Variants in DGKE observed in about 807,000 individuals in gnomAD.
The protein encoded by DGKE is diacylglycerol kinase epsilon.
Under a neutral mutation model 70.0 loss-of-function variants are expected in DGKE, and 53 were observed. That is an observed-to-expected ratio of 0.76 (90% CI 0.61 to 0.95). The LOEUF (loss-of-function observed/expected upper bound fraction) is 0.95. DGKE is among the 40% of genes least tolerant of loss of function. The pLI, the probability that DGKE is intolerant of heterozygous loss-of-function variation, is 0.00. For missense variants in DGKE, 655 were observed against 706.9 expected, an observed-to-expected ratio of 0.93 and a Z score of 0.83; for synonymous variants, 291 against 257.0, an observed-to-expected ratio of 1.13 and a Z score of -1.27.
At chr17:56,850,417 G>A (rs544132766) in intron 7 of DGKE, among the ~76,000 whole-genome samples, 8 of 152,158 alleles carry the variant, frequency 5.3e-5, no homozygotes, top group Non-Finnish European at 1.0e-4. Flanking sequence ...ACAGGCATGA[G>A]TCACTGTGCC....
intron 2 of DGKE, among the ~76,000 whole-genome samples, chr17:56,842,876 G>A (rs1348000349): frequency 6.6e-6 from 1 of 152,176 alleles, no homozygotes; most frequent in Non-Finnish European, 1.5e-5. Flanking sequence ...ACCTTTACCA[G>A]CTCTGTTCTC....
At position 56,834,976 on chromosome 17, in the gene DGKE, G is replaced by T. The variant is rs764983358; in HGVS notation, c.181G>T (p.Gly61Trp). The T allele has an allele frequency of 1.4e-5, 23 of 1,612,906 alleles. No homozygotes were observed. In the South Asian group the frequency reaches 2.5e-4, roughly 18 times the overall value. Residue 61 changes from glycine to tryptophan, a missense_variant, in exon 2 of 12, where the codon GGG becomes TGG. Coordinates refer to ENST00000284061, the MANE Select transcript of DGKE (RefSeq NM_003647.3). ...GGACATCTTCCGCAAGAGCAAGCAC[G>T]GGTGGCGCGACACGGACCTGTTCAG... ...RRDIFRKSKH[G>W]WRDTDLFSQP...
At chr17:56,837,309 G>C (rs926913106) in intron 2 of DGKE, among the ~76,000 whole-genome samples, 1 of 151,820 alleles carries the variant, frequency 6.6e-6, no homozygotes, top group South Asian at 2.1e-4. Flanking sequence ...AGGCCCTACA[G>C]GTCCTTCTAA....
chr17:56,859,620 G>A (rs1223923055), intron 9 of DGKE, among the ~76,000 whole-genome samples: 17 of 151,812 alleles, frequency 1.1e-4, no homozygotes, highest in Non-Finnish European at 2.9e-5. Context: ...GGGGTTTCAC[G>A]TGTTAGCCAG....
chr17:56,850,419 C>T (rs1295291674), intron 7 of DGKE, among the ~76,000 whole-genome samples: 1 of 152,192 alleles, frequency 6.6e-6, no homozygotes, highest in Non-Finnish European at 1.5e-5. Flanking sequence ...AGGCATGAGT[C>T]ACTGTGCCCA....
intron 2 of DGKE, chr17:56,838,850 G>A (rs950815764): frequency 1.3e-5 from 2 of 152,010 alleles, no homozygotes; most frequent in African/African-American, 4.8e-5. Flanking sequence ...ACATTTCATT[G>A]TATGTAAATT....
In DGKE at chr17:56,864,223, G is replaced by A. The variant is rs1418887433; in HGVS notation, c.*1432G>A. ...TGACCCAGAGGGCATCCAGCCTGGTGTTTTTCTGACACATGGCCCAGGCTT... is the reference window on the plus strand; with the variant it reads ...TGACCCAGAGGGCATCCAGCCTGGTATTTTTCTGACACATGGCCCAGGCTT... On this transcript the variant is annotated 3_prime_UTR_variant, in exon 12 of 12. Coordinates refer to ENST00000284061, the MANE Select transcript of DGKE (RefSeq NM_003647.3). 3.3e-5 allele frequency: 5 copies of A among 152,194 alleles called. No homozygotes were observed. The highest frequency in any genetic ancestry group is 9.7e-5 in the African/African-American group (4 of 41,440). 9.4% of individuals were successfully genotyped at this position (152,194 alleles called of 1,614,324 possible).
intron 7 of DGKE, among the ~76,000 whole-genome samples, chr17:56,854,559 C>T (rs552588895): frequency 4.9e-4 from 75 of 152,196 alleles, no homozygotes; most frequent in African/African-American, 1.8e-3. Flanking sequence ...AAGCAGTCCA[C>T]GCCCCTCAGC....
rs1462738297 is a variant in DGKE at position 56,835,014 on chromosome 17, C to G, written c.219C>G (p.Tyr73Ter). The G allele has an allele frequency of 1.9e-6, 3 of 1,612,642 alleles. No homozygotes were observed. Among genetic ancestry groups the G allele is most frequent in the African/African-American group, 1.3e-5 (1 of 74,954 alleles). The change falls in exon 2 of 12, where the codon TAC (tyrosine) becomes TAG (stop). Residue 73 changes from tyrosine (Y) to a stop codon, truncating the protein, a stop_gained. Transcript: ENST00000284061. LOFTEE classifies it high-confidence loss of function. The part of the protein sequence containing the change: ...RDTDLFSQPT[Y>*]CCVCAQHILQ... ...CGGACCTGTTCAGCCAGCCCACCTA[C>G]TGCTGCGTGTGCGCGCAGCACATTC...
chr17:56,843,448 A>T (rs1222008022), intron 2 of DGKE, among the ~76,000 whole-genome samples: 1 of 152,140 alleles, frequency 6.6e-6, no homozygotes, highest in Non-Finnish European at 1.5e-5. Context: ...TAGTGTTATT[A>T]TTAAAATTTT....
At chr17:56,857,549 T>C (rs1477053472) in intron 8 of DGKE, among the ~76,000 whole-genome samples, 8 of 152,236 alleles carry the variant, frequency 5.3e-5, no homozygotes, top group Admixed American at 1.3e-4. Context: ...CTTTTATTAA[T>C]ATAGTTACTA....
rs2144309979 is a variant in DGKE at position 56,864,865 on chromosome 17, A to G, written c.*2074A>G. The G allele has an allele frequency of 6.6e-6, 1 of 152,316 alleles. No homozygotes were observed. The highest frequency in any genetic ancestry group is 2.1e-4 in the South Asian group (1 of 4,830). The allele number at this position is 152,316 out of a possible 1,614,324, so 9.4% of individuals were successfully genotyped here. ...AAAAATTATAATTTTAATACCAACC[A>G]TAATATTACACTGTATTTAGAACAG... is the stretch of plus-strand genomic sequence containing the variant. On this transcript the variant is annotated 3_prime_UTR_variant, in exon 12 of 12. Coordinates refer to ENST00000284061, the MANE Select transcript of DGKE (RefSeq NM_003647.3).
rs765244770 is a variant in DGKE at position 56,834,857 on chromosome 17, A to T, written c.62A>T (p.His21Leu). 2 of 1,612,308 alleles carry T rather than the reference A, an allele frequency of 1.2e-6. No homozygotes were observed. The highest frequency in any genetic ancestry group is 4.5e-5 in the East Asian group (2 of 44,840). Residue 21 changes from histidine (H) to leucine (L), a missense_variant, in exon 2 of 12, where the codon CAC (histidine) becomes CTC (leucine). His to Leu is a moderately conservative substitution (Grantham distance 99, BLOSUM62 -3). Transcript: ENST00000284061. ...TCCGAGGGCCTGTTTGCGGACGGGC[A>T]CCTGATCTTGTGGACGCTGTGCTCG... ...SPSEGLFADG[H>L]LILWTLCSVL...
chr17:56,843,919 TA>T, intron 2 of DGKE, 99 bp from the exon 3 acceptor site: 1 of 1,198,162 alleles, frequency 8.3e-7, no homozygotes, highest in Middle Eastern at 2.3e-4. Context: ...TAAGTAGTGA[TA>T]AAATTATGTT....
Position 56,861,703 on chromosome 17 carries a change from A to C in DGKE, c.1285-88A>C, listed in dbSNP as rs928822609. The C allele has an allele frequency of 3.7e-5, 57 of 1,561,080 alleles. 2 individuals carry two copies. The South Asian group carries it at 6.1e-4, about 17-fold the overall frequency. ...ACATGTGCATCTCTCATATATAAGCACATTTATGAAAATAGATGTGAATTC... is the reference window on the plus strand; with the variant it reads ...ACATGTGCATCTCTCATATATAAGCCCATTTATGAAAATAGATGTGAATTC... On this transcript the variant is annotated intron_variant, in intron 9 of 11. Coordinates refer to ENST00000284061, the MANE Select transcript of DGKE (RefSeq NM_003647.3).
At chr17:56,844,995 T>A (rs1907198309) in intron 3 of DGKE, among the ~76,000 whole-genome samples, 1 of 152,194 alleles carries the variant, frequency 6.6e-6, no homozygotes, top group Non-Finnish European at 1.5e-5. Flanking sequence ...ATTTTAAATT[T>A]TTCAAACAAT....
At chr17:56,838,563 G>A (rs1325231866) in intron 2 of DGKE, 1 of 152,156 alleles carries the variant, frequency 6.6e-6, no homozygotes, top group Non-Finnish European at 1.5e-5. Flanking sequence ...CTGTTCTAGT[G>A]AATCTTATAA....
chr17:56,858,948 A>G (rs2144285510), intron 9 of DGKE, among the ~76,000 whole-genome samples: 1 of 152,324 alleles, frequency 6.6e-6, no homozygotes, highest in East Asian at 1.9e-4. Flanking sequence ...CTAAATGCAC[A>G]TGTAATCAAG....
intron 2 of DGKE, among the ~76,000 whole-genome samples, chr17:56,843,336 A>G (rs1324432349): frequency 6.6e-6 from 1 of 152,210 alleles, no homozygotes; most frequent in African/African-American, 2.4e-5. Flanking sequence ...CTTATTATTC[A>G]GCTAGAGTAT....
Sources: gnomAD v4.1 joint callset for allele counts (sites outside exome capture counted in the v4.1 genomes callset) on GRCh38, gnomAD v4.1.1 for gene constraint, MANE v1.5 for transcripts, NCBI Gene and HGNC (gene_info 2026-07-23, HGNC 2026-07-21) for gene names.